ANK3: variants seen among roughly 807,000 people sequenced by gnomAD.
The protein encoded by ANK3 is ankyrin 3, also known as ankyrin-3.
Under a neutral mutation model 370.9 loss-of-function variants are expected in ANK3, and 57 were observed. That is an observed-to-expected ratio of 0.15 (90% confidence interval 0.12 to 0.19). The LOEUF (loss-of-function observed/expected upper bound fraction) is 0.19, where lower values mean the gene tolerates loss of function less well. Among genes scored for constraint, ANK3 ranks in the 10% least tolerant of loss-of-function variants. ANK3 has a pLI of 1.00. For synonymous variants in ANK3, 1,929 were observed against 1,946.3 expected, an observed-to-expected ratio of 0.99 and a Z score of 0.23; for missense variants, 4,439 against 5,302.1, an observed-to-expected ratio of 0.84 and a Z score of 5.06.
intron 5 of ANK3, among the ~76,000 whole-genome samples, chr10:60,264,512 G>A (rs1592705071): frequency 2.0e-5 from 3 of 151,966 alleles, no homozygotes; most frequent in Admixed American, 6.6e-5. Context: ...CGAGGGTGGT[G>A]GATGCCTGTA....
intron 16 of ANK3, among the ~76,000 whole-genome samples, chr10:60,188,080 G>A (rs2096390259): frequency 6.6e-6 from 1 of 152,162 alleles, no homozygotes; most frequent in African/African-American, 2.4e-5. Context: ...CGTATATTGT[G>A]TTATATTTGT....
At chr10:60,314,023 C>T (rs2046926604) in intron 1 of ANK3, among the ~76,000 whole-genome samples, 1 of 151,194 alleles carries the variant, frequency 6.6e-6, no homozygotes. Context: ...AGTGTGCACT[C>T]TTCTAAGACA....
intron 8 of ANK3, among the ~76,000 whole-genome samples, chr10:60,213,792 T>A (rs1444553611): frequency 1.3e-5 from 2 of 152,132 alleles, no homozygotes; most frequent in Non-Finnish European, 2.9e-5. Context: ...AAAATCTAAG[T>A]ACTACAAGTA....
At chr10:60,681,316 A>G (rs1350839132) in intron 1 of ANK3, among the ~76,000 whole-genome samples, 1 of 152,182 alleles carries the variant, frequency 6.6e-6, no homozygotes, top group Admixed American at 6.5e-5. Flanking sequence ...GTCCAAGTCC[A>G]AAACCATTAA....
intron 1 of ANK3, among the ~76,000 whole-genome samples, chr10:60,628,514 C>G (rs1016404188): frequency 6.6e-6 from 1 of 152,180 alleles, no homozygotes. Context: ...TGATTCTGTG[C>G]TTAGCCTCTG....
chr10:60,369,038 C>A (rs1367158068), intron 1 of ANK3, among the ~76,000 whole-genome samples: 1 of 152,030 alleles, frequency 6.6e-6, no homozygotes, highest in Non-Finnish European at 1.5e-5. Flanking sequence ...TTTGTCAAAG[C>A]TGATTAACTA....
intron 1 of ANK3, among the ~76,000 whole-genome samples, chr10:60,346,582 A>T (rs1399660203): frequency 6.6e-6 from 1 of 152,002 alleles, no homozygotes; most frequent in Non-Finnish European, 1.5e-5. Context: ...AGGAATACAA[A>T]GAGAGGTTAT....
intron 36 of ANK3, 73 bp downstream of exon 36, chr10:60,080,464 T>C (rs1389605773): frequency 7.6e-7 from 1 of 1,324,244 alleles, no homozygotes; most frequent in South Asian, 1.3e-5. Context: ...AATGATAAAA[T>C]TTGGTTTGTA....
intron 2 of ANK3, among the ~76,000 whole-genome samples, chr10:60,409,100 T>G (rs1348669971): frequency 6.6e-6 from 1 of 152,204 alleles, no homozygotes; most frequent in African/African-American, 2.4e-5. Context: ...CAAATTTCTT[T>G]TTCCTAAATT....
At chr10:60,167,342 A>C (rs1474263527) in intron 21 of ANK3, among the ~76,000 whole-genome samples, 1 of 152,172 alleles carries the variant, frequency 6.6e-6, no homozygotes, top group Non-Finnish European at 1.5e-5. Context: ...TCTTATATGT[A>C]CTTTTAATTC....
intron 7 of ANK3, among the ~76,000 whole-genome samples, chr10:60,255,146 T>TA (rs541452069): frequency 6.6e-6 from 1 of 152,186 alleles, no homozygotes; most frequent in Admixed American, 6.5e-5. Flanking sequence ...AATTATAACT[T>TA]AAAAAATCAT....
At chr10:60,093,622 A>AC (rs1219731066) in intron 28 of ANK3, among the ~76,000 whole-genome samples, 3 of 152,124 alleles carry the variant, frequency 2.0e-5, no homozygotes, top group African/African-American at 7.2e-5. Flanking sequence ...CAGCTATAAC[A>AC]CCCCCGAAAA....
intron 1 of ANK3, among the ~76,000 whole-genome samples, chr10:60,652,100 T>C (rs1464428069): frequency 6.6e-6 from 1 of 152,168 alleles, no homozygotes; most frequent in Admixed American, 6.5e-5. Context: ...CTCATGCCTG[T>C]AATCCTAGCA....
At chr10:60,311,658 C>T (rs1272669553) in intron 1 of ANK3, among the ~76,000 whole-genome samples, 1 of 152,182 alleles carries the variant, frequency 6.6e-6, no homozygotes, top group East Asian at 1.9e-4. Flanking sequence ...ATGCTCCAGA[C>T]ACACTGACTT....
At chr10:60,042,863 T>G in intron 42 of ANK3, 104 bp from the exon 43 acceptor site, 1 of 1,551,992 alleles carries the variant, frequency 6.4e-7, no homozygotes. Context: ...GCGAAACAGT[T>G]TAAAGCATTT....
chr10:60,068,141 C>A, intron 37 of ANK3, 132 bp from the exon 38 acceptor site: 1 of 716,340 alleles, frequency 1.4e-6, no homozygotes, highest in South Asian at 2.2e-5. Flanking sequence ...TCCTAGTCAC[C>A]TACATGAACA....
chr10:60,090,039 C>T (rs2087823907), intron 28 of ANK3, among the ~76,000 whole-genome samples: 1 of 151,934 alleles, frequency 6.6e-6, no homozygotes, highest in Non-Finnish European at 1.5e-5. Context: ...AAATTAAAAT[C>T]TGGCCAGGCG....
rs529285473 is a variant in ANK3 at position 60,341,906 on chromosome 10, C to CA, written c.114+47518dup. On this transcript the variant is annotated intron_variant, in intron 1 of 43. Transcript: ENST00000280772. ...TTAGGGTAAATGGTTGTCATCTTCC[C>CA]AAAAAAAAGAAGTATCTCAATGGTG... is the stretch of plus-strand genomic sequence containing the variant. Among the ~76,000 whole-genome samples the CA allele has an allele frequency of 4.4e-3, 667 of 151,128 alleles. 3 individuals are homozygous for CA. The highest frequency in any genetic ancestry group is 7.0e-3 in the Non-Finnish European group (473 of 67,718).
chr10:60,239,851 C>T (rs77892800), intron 7 of ANK3, among the ~76,000 whole-genome samples: 3,383 of 151,894 alleles, frequency 0.022, 114 homozygotes, highest in African/African-American at 0.074. Flanking sequence ...TTGTCAGGCT[C>T]ATACCATATT....
Sources: allele counts gnomAD v4.1 joint callset (sites outside exome capture counted in the v4.1 genomes callset), GRCh38; gene constraint gnomAD v4.1.1; transcripts MANE v1.5; gene names NCBI Gene and HGNC (gene_info 2026-07-23, HGNC 2026-07-21).